The following KLHL35 variants were observed in gnomAD, a reference collection of about 807,000 sequenced individuals.
KLHL35 encodes kelch like family member 35.
Under a neutral mutation model 44.0 loss-of-function variants are expected in KLHL35, and 50 were observed. That is an observed-to-expected ratio of 1.14 (90% CI 0.91 to 1.44). KLHL35 has a LOEUF of 1.44. Ranked by LOEUF, KLHL35 falls within the 40% of genes most tolerant of loss-of-function variation. The pLI is 0.00. For synonymous variants in KLHL35, 470 were observed against 410.4 expected (o/e 1.15, Z -1.76); for missense variants, 1,049 against 887.8 (o/e 1.18, Z -2.31).
rs575396620 is a variant in KLHL35 at position 75,430,221 on chromosome 11, C to T, written c.409G>A (p.Gly137Ser). ...AAGCGCACGCAGGCCTCGCGCAGGC[C>T]CGCCACGCCCAGCCGCTCCGCCAGC... ...LALAERLGVA[G>S]LREACVRFLE... Residue 137 changes from glycine (G) to serine (S), a missense_variant, in exon 2 of 7, where the codon GGC (glycine) becomes AGC (serine). By Grantham distance (56) the Gly-to-Ser change is moderately conservative. Coordinates refer to ENST00000539798, the MANE Select transcript of KLHL35 (RefSeq NM_001039548.3). 2.9e-3 allele frequency: 3,503 copies of T among 1,224,356 alleles called. 19 individuals are homozygous for T. Among genetic ancestry groups the T allele is most frequent in the South Asian group, 8.5e-3 (340 of 39,770 alleles). 75.8% of individuals were successfully genotyped at this position (1,224,356 alleles called of 1,614,324 possible).
intron 3 of KLHL35, 57 bp downstream of exon 3, chr11:75,428,385 G>C (rs757141965): frequency 8.9e-6 from 14 of 1,576,742 alleles, no homozygotes; most frequent in African/African-American, 1.3e-5. Flanking sequence ...AAAGGGGGTG[G>C]AGTGCGGAGG....
chr11:75,430,305 A>C lies in KLHL35; in HGVS notation c.325T>G (p.Tyr109Asp). 1 of 1,237,564 alleles carries C rather than the reference A, an allele frequency of 8.1e-7. No individual in the cohort carries two copies. 76.7% of individuals were successfully genotyped at this position (1,237,564 alleles called of 1,614,324 possible). A position where few individuals can be genotyped will look rare whatever the true frequency, so the allele number is the denominator to read the frequency against. The change falls in exon 2 of 7, where the codon TAC becomes GAC. Residue 109 changes from tyrosine (Y) to aspartate (D), a missense_variant. Physicochemically the swap from Tyr to Asp is radical, Grantham distance 160. Coordinates refer to ENST00000539798, the MANE Select transcript of KLHL35 (RefSeq NM_001039548.3). ...AAAALAVVLD[Y>D]VYGAGVRLRA... is the part of the protein sequence containing the mutation. ...AGCCGCACGCCCGCTCCGTACACGT[A>C]GTCGAGCACCACGGCCAGCGCCGCC...
chr11:75,430,346 C>A lies in KLHL35; in HGVS notation c.284G>T (p.Ser95Ile). 1.5e-6 allele frequency: 2 copies of A among 1,309,516 alleles called. No individual in the cohort carries two copies. The highest frequency in any genetic ancestry group is 1.9e-5 in the South Asian group (1 of 53,216). 81.1% of individuals were successfully genotyped at this position (1,309,516 alleles called of 1,614,324 possible). ...VPVAPEAPGT[S>I]PAGAAAALAV... Reference sequence around the variant, plus strand: ...CAGCGCCGCCGCCGCCCCGGCCGGGCTCGTGCCTGGCGCCTCGGGAGCTAC... The same window carrying A: ...CAGCGCCGCCGCCGCCCCGGCCGGGATCGTGCCTGGCGCCTCGGGAGCTAC... Residue 95 changes from serine to isoleucine, a missense_variant, in exon 2 of 7, where the codon AGC (serine) becomes ATC (isoleucine). By Grantham distance (142) the Ser-to-Ile change is moderately radical (BLOSUM62 -2). Coordinates refer to ENST00000539798, the MANE Select transcript of KLHL35 (RefSeq NM_001039548.3).
chr11:75,430,613 G>A lies in KLHL35; in HGVS notation c.17C>T (p.Ala6Val). The A allele has an allele frequency of 2.9e-6, 4 of 1,395,686 alleles. No individual in the cohort carries two copies. Among genetic ancestry groups the A allele is most frequent in the Non-Finnish European group, 3.7e-6 (4 of 1,078,956 alleles). The allele number at this position is 1,395,686 out of a possible 1,614,324, so 86.5% of individuals were successfully genotyped here. A position where few individuals can be genotyped will look rare whatever the true frequency, so the allele number is the denominator to read the frequency against. MRQGH[A>V]PEESEPGCEA... ...GCAGCCCGGCTCCGACTCCTCCGGC[G>A]CATGGCCTTGCCGCATCCTGCCGGG... The change falls in exon 2 of 7, where the codon GCG (alanine) becomes GTG (valine). Residue 6 changes from alanine (A) to valine (V), a missense_variant. Transcript: ENST00000539798.
chr11:75,425,700 A>G, intron 4 of KLHL35, 119 bp from the exon 5 acceptor site: 2 of 957,354 alleles, frequency 2.1e-6, no homozygotes, highest in Non-Finnish European at 2.9e-6. Context: ...ACCCAGTTTC[A>G]GGACCAAACT....
At position 75,422,486 on chromosome 11, in the gene KLHL35, G is replaced by A. The variant is rs1321185054; in HGVS notation, c.*94C>T. 5.2e-6 allele frequency: 6 copies of A among 1,144,618 alleles called. No homozygotes were observed. The highest frequency in any genetic ancestry group is 1.3e-6 in the Non-Finnish European group (1 of 794,428). The allele number at this position is 1,144,618 out of a possible 1,614,324, so 70.9% of individuals were successfully genotyped here. A position where few individuals can be genotyped will look rare whatever the true frequency, so the allele number is the denominator to read the frequency against. The stretch of plus-strand genomic sequence containing the variant: ...ACAAGAAAAGGGACCATTAAGTTAA[G>A]GGCTGTTTGCGTGGAGGTGCCATGA... On this transcript the variant is annotated 3_prime_UTR_variant, in exon 7 of 7. Coordinates refer to ENST00000539798, the MANE Select transcript of KLHL35 (RefSeq NM_001039548.3).
rs949833832 is a variant in KLHL35, at chr11:75,423,889, C to T, written c.1375-9G>A. On this transcript the variant is annotated splice_polypyrimidine_tract_variant and intron_variant, in intron 5 of 6. Coordinates refer to ENST00000539798, the MANE Select transcript of KLHL35 (RefSeq NM_001039548.3). ...GGGTCAAAGCACTGCACCTGAGGGG[C>T]AAGAGCAGCAGTGGTGAAGACTCAC... 1.2e-6 allele frequency: 2 copies of T among 1,606,090 alleles called. No individual in the cohort carries two copies. Among genetic ancestry groups the T allele is most frequent in the East Asian group, 2.2e-5 (1 of 44,764 alleles).
chr11:75,430,153 G>A lies in KLHL35; in HGVS notation c.477C>T (p.Arg159=). 8.0e-7 allele frequency: 1 copy of A among 1,252,266 alleles called. No individual in the cohort carries two copies. The allele number at this position is 1,252,266 out of a possible 1,614,324, so 77.6% of individuals were successfully genotyped here. The change falls in exon 2 of 7, where the codon CGC becomes CGT. Residue 159 remains arginine, a synonymous_variant. Coordinates refer to ENST00000539798, the MANE Select transcript of KLHL35 (RefSeq NM_001039548.3). Reference sequence around the variant, plus strand: ...CCAGCGAGAAGGCGGCGGCCACGCGGCGCAGCGCTAGGCTGTTGGCGGCGC... The same window carrying A: ...CCAGCGAGAAGGCGGCGGCCACGCGACGCAGCGCTAGGCTGTTGGCGGCGC... ...RLRAANSLAL[R]RVAAAFSLAP...
In KLHL35 at chr11:75,422,591, A is replaced by G; in HGVS notation, c.1741T>C (p.Leu581=). 1 of 1,612,392 alleles carries G rather than the reference A, an allele frequency of 6.2e-7. No homozygotes were observed. The highest frequency in any genetic ancestry group is 8.5e-7 in the Non-Finnish European group (1 of 1,178,726). ...SHGCVTIIQS[L]GR ...TGTCCAAATCTGAATCACCTGCCCA[A>G]GCTCTGGATGATGGTGACACAGCCG... The change falls in exon 7 of 7, where the codon TTG becomes CTG. Residue 581 remains leucine, a synonymous_variant. Transcript: ENST00000539798.
chr11:75,431,921 G>C (rs1482823896), intron 1 of KLHL35, among the ~76,000 whole-genome samples: 1 of 152,180 alleles, frequency 6.6e-6, no homozygotes, highest in African/African-American at 2.4e-5. Context: ...ATCCTCACAA[G>C]CTGAGAAGTT....
At chr11:75,430,875 T>C (rs1948532625) in intron 1 of KLHL35, among the ~76,000 whole-genome samples, 1 of 152,204 alleles carries the variant, frequency 6.6e-6, no homozygotes. Flanking sequence ...AGCGTTTTCC[T>C]ATCGATATCT....
In KLHL35 at chr11:75,428,398, A is replaced by G. The variant is rs776081714; in HGVS notation, c.1066+44T>C. ...GCAAAGGGGGTGGAGTGCGGAGGCT[A>G]CTAGTCAATCCCGTGTGAGCTCCCG... On this transcript the variant is annotated intron_variant, in intron 3 of 6. Transcript: ENST00000539798. The G allele has an allele frequency of 1.9e-6, 3 of 1,603,726 alleles. No homozygotes were observed. The African/African-American group carries it at 4.0e-5, about 21-fold the overall frequency.
chr11:75,424,079 T>C (rs1948472072), intron 5 of KLHL35, 199 bp from the exon 6 acceptor site: 2 of 558,668 alleles, frequency 3.6e-6, no homozygotes, highest in Admixed American at 3.3e-5. Flanking sequence ...TCTAGTTCTA[T>C]GTTCTGTCCT....
intron 4 of KLHL35, 98 bp from the exon 5 acceptor site, chr11:75,425,679 C>T: frequency 8.8e-7 from 1 of 1,135,866 alleles, no homozygotes; most frequent in Non-Finnish European, 1.2e-6. Flanking sequence ...TGGAAACTAT[C>T]CCTGTCCCCA....
intron 5 of KLHL35, chr11:75,424,657 G>C (rs923080461): frequency 6.6e-6 from 1 of 152,340 alleles, no homozygotes; most frequent in African/African-American, 2.4e-5. Context: ...TTTGCTGGAA[G>C]AATGTGGTCA....
intron 2 of KLHL35, among the ~76,000 whole-genome samples, chr11:75,429,341 A>G (rs547033881): frequency 1.3e-5 from 2 of 152,352 alleles, no homozygotes; most frequent in East Asian, 3.9e-4. Flanking sequence ...CTCTGCCCAG[A>G]GCCTCCCAGT....
intron 2 of KLHL35, among the ~76,000 whole-genome samples, chr11:75,429,532 G>C (rs182870743): frequency 2.1e-3 from 323 of 152,336 alleles, no homozygotes; most frequent in African/African-American, 7.0e-3. Flanking sequence ...CGGTTGCATG[G>C]GCCAAAGAGA....
chr11:75,428,474 G>C lies in KLHL35; in HGVS notation c.1034C>G (p.Ala345Gly). Residue 345 changes from alanine to glycine, a missense_variant, in exon 3 of 7, where the codon GCC becomes GGC. Transcript: ENST00000539798. ...GTAGACGTCATTGCGGAGAGCACAG[G>C]CGGCGAATTCTGAGCGAGTGTAGCC... ...LPGYTRSEFA[A>G]CALRNDVYVS... The C allele has an allele frequency of 3.1e-6, 5 of 1,612,600 alleles. No individual in the cohort carries two copies. Among genetic ancestry groups the C allele is most frequent in the Non-Finnish European group, 4.2e-6 (5 of 1,179,880 alleles).
chr11:75,423,787 T>C lies in KLHL35; in HGVS notation c.1468A>G (p.Thr490Ala). The C allele has an allele frequency of 6.2e-7, 1 of 1,613,750 alleles. No individual in the cohort carries two copies. The highest frequency in any genetic ancestry group is 8.5e-7 in the Non-Finnish European group (1 of 1,179,802). Residue 490 changes from threonine (T) to alanine (A), a missense_variant, in exon 6 of 7, where the codon ACC (threonine) becomes GCC (alanine). Physicochemically the swap from Thr to Ala is moderately conservative, Grantham distance 58. Coordinates refer to ENST00000539798, the MANE Select transcript of KLHL35 (RefSeq NM_001039548.3). The part of the protein sequence containing the change: ...RCLEAVSLED[T>A]IYVMGGLMSK... ...ATGAGACCCCCCATGACATAGATGG[T>C]GTCCTCAAGGGAGACAGCCTCGAGA...
Sources: allele counts gnomAD v4.1 joint callset (sites outside exome capture counted in the v4.1 genomes callset), GRCh38; gene constraint gnomAD v4.1.1; transcripts MANE v1.5; gene names NCBI Gene and HGNC (gene_info 2026-07-23, HGNC 2026-07-21).